Variants in CNTNAP2 observed in about 807,000 individuals in gnomAD.
The protein encoded by CNTNAP2 is contactin-associated protein-like 2.
In CNTNAP2, 98 loss-of-function variants were observed where a neutral mutation model predicts 155.2. The observed-to-expected ratio is 0.63, with a 90% confidence interval of 0.54 to 0.75. CNTNAP2 has a LOEUF of 0.75. CNTNAP2 is among the 30% of genes least tolerant of loss of function. The pLI, the probability that CNTNAP2 is intolerant of heterozygous loss-of-function variation, is 0.00. For synonymous variants in CNTNAP2, 651 were observed against 631.2 expected (o/e 1.03, Z -0.47); for missense variants, 1,727 against 1,688.1 (o/e 1.02, Z -0.40).
At chr7:147,224,653 C>T (rs1484840092) in intron 8 of CNTNAP2, among the ~76,000 whole-genome samples, 2 of 151,944 alleles carry the variant, frequency 1.3e-5, no homozygotes, top group Non-Finnish European at 2.9e-5. Flanking sequence ...TTCATAGTCC[C>T]AGAAAGTATA....
intron 18 of CNTNAP2, among the ~76,000 whole-genome samples, chr7:148,199,017 G>A (rs1795325064): frequency 6.6e-6 from 1 of 152,186 alleles, no homozygotes; most frequent in African/African-American, 2.4e-5. Context: ...GGGAGAAGAG[G>A]TGCAGATTAG....
chr7:147,619,336 T>C (rs1554412448), intron 12 of CNTNAP2, among the ~76,000 whole-genome samples: 1 of 152,240 alleles, frequency 6.6e-6, no homozygotes, highest in African/African-American at 2.4e-5. Context: ...TTTCTACTTA[T>C]GATACTAGCA....
intron 1 of CNTNAP2, among the ~76,000 whole-genome samples, chr7:146,649,479 C>T (rs1799869227): frequency 6.6e-6 from 1 of 152,116 alleles, no homozygotes; most frequent in Non-Finnish European, 1.5e-5. Context: ...TTATTTCAAA[C>T]TTCAGTGAAA....
intron 13 of CNTNAP2, among the ~76,000 whole-genome samples, chr7:147,720,678 G>A (rs2117027049): frequency 6.6e-6 from 1 of 152,114 alleles, no homozygotes; most frequent in Admixed American, 6.5e-5. Flanking sequence ...TTTATAAGGG[G>A]CCCTCCCCAC....
intron 10 of CNTNAP2, among the ~76,000 whole-genome samples, chr7:147,418,420 T>G (rs927640560): frequency 6.6e-6 from 1 of 152,210 alleles, no homozygotes; most frequent in Admixed American, 6.5e-5. Flanking sequence ...TTTTATTATA[T>G]AGACATCGAT....
intron 2 of CNTNAP2, among the ~76,000 whole-genome samples, chr7:146,830,499 A>C (rs1000694059): frequency 6.6e-6 from 1 of 152,176 alleles, no homozygotes; most frequent in Non-Finnish European, 1.5e-5. Context: ...ATAAAAATGC[A>C]TGAAAAACAT....
chr7:146,486,428 T>C (rs1414213460), intron 1 of CNTNAP2, among the ~76,000 whole-genome samples: 1 of 152,122 alleles, frequency 6.6e-6, no homozygotes, highest in Non-Finnish European at 1.5e-5. Context: ...ATAATCATGC[T>C]AGGGTTGTTT....
chr7:147,510,871 A>AT (rs1799006293), intron 11 of CNTNAP2, among the ~76,000 whole-genome samples: 15 of 141,912 alleles, frequency 1.1e-4, no homozygotes, highest in South Asian at 4.4e-4. Context: ...ATATATATAT[A>AT]ATGCTTCCTC....
chr7:147,123,831 A>T (rs774960833), intron 6 of CNTNAP2, among the ~76,000 whole-genome samples: 1 of 152,166 alleles, frequency 6.6e-6, no homozygotes, highest in Non-Finnish European at 1.5e-5. Flanking sequence ...ACCTGTGCTC[A>T]GGAGTTTAAG....
At chr7:148,306,512 T>TA (rs1265058491) in intron 21 of CNTNAP2, among the ~76,000 whole-genome samples, 1 of 152,234 alleles carries the variant, frequency 6.6e-6, no homozygotes, top group African/African-American at 2.4e-5. Context: ...TTGTTTCCCC[T>TA]ATTCTCTGAA....
intron 1 of CNTNAP2, among the ~76,000 whole-genome samples, chr7:146,321,301 T>C (rs1800997096): frequency 6.6e-6 from 1 of 151,184 alleles, no homozygotes; most frequent in African/African-American, 2.4e-5. Flanking sequence ...TATGAAAGAA[T>C]TAAAACGAGA....
intron 11 of CNTNAP2, among the ~76,000 whole-genome samples, chr7:147,549,762 T>C (rs2116762254): frequency 6.6e-6 from 1 of 152,320 alleles, no homozygotes; most frequent in African/African-American, 2.4e-5. Flanking sequence ...GTGTCTGATA[T>C]AGTAATATGT....
chr7:146,124,728 G>T (rs1417824992), intron 1 of CNTNAP2, among the ~76,000 whole-genome samples: 2 of 152,116 alleles, frequency 1.3e-5, no homozygotes, highest in African/African-American at 4.8e-5. Context: ...TACTAGCTTA[G>T]TGTTTTTAAT....
At chr7:148,024,304 T>A (rs1405210823) in intron 15 of CNTNAP2, among the ~76,000 whole-genome samples, 1 of 152,120 alleles carries the variant, frequency 6.6e-6, no homozygotes, top group East Asian at 1.9e-4. Context: ...AATTGTGGCC[T>A]CCATACCCGC....
chr7:146,230,593 G>A (rs777376506), intron 1 of CNTNAP2, among the ~76,000 whole-genome samples: 46 of 152,216 alleles, frequency 3.0e-4, no homozygotes, highest in Non-Finnish European at 6.2e-4. Flanking sequence ...TAACTGGTGA[G>A]TATAGCTTGG....
chr7:146,461,799 C>T lies in CNTNAP2; in HGVS notation c.98-312472C>T, dbSNP rs139476020. Among the ~76,000 whole-genome samples, 276 of 152,226 alleles carry T rather than the reference C, an allele frequency of 1.8e-3. 1 individual carries two copies. The highest frequency in any genetic ancestry group is 5.9e-3 in the African/African-American group (245 of 41,530). On this transcript the variant is annotated intron_variant, in intron 1 of 23. Transcript: ENST00000361727. Reference sequence around the variant, plus strand: ...CCACACTAGACAGCATTAAAAGTCACATAATGCTTTCACATAATCATTTGT... The same window carrying T: ...CCACACTAGACAGCATTAAAAGTCATATAATGCTTTCACATAATCATTTGT...
intron 1 of CNTNAP2, among the ~76,000 whole-genome samples, chr7:146,454,528 C>T (rs1796527752): frequency 6.6e-6 from 1 of 151,648 alleles, no homozygotes; most frequent in Non-Finnish European, 1.5e-5. Context: ...TCCTGGGACA[C>T]GTTAAAAAGA....
intron 1 of CNTNAP2, among the ~76,000 whole-genome samples, chr7:146,459,846 T>C (rs934800503): frequency 2.0e-5 from 3 of 152,112 alleles, no homozygotes; most frequent in African/African-American, 7.2e-5. Context: ...GGTACATGCC[T>C]GTAGTCCCAG....
intron 2 of CNTNAP2, among the ~76,000 whole-genome samples, chr7:146,805,083 G>GTTTGTGGCAGATTT (rs2129192401): frequency 6.6e-6 from 1 of 152,308 alleles, no homozygotes; most frequent in East Asian, 1.9e-4. Context: ...TGGCCATTGG[G>GTTTGTGGCAGATTT]TTTGTGGCAG....
Sources: allele counts gnomAD v4.1 joint callset (sites outside exome capture counted in the v4.1 genomes callset), GRCh38; gene constraint gnomAD v4.1.1; transcripts MANE v1.5; gene names NCBI Gene and HGNC (gene_info 2026-07-23, HGNC 2026-07-21).